C9: variants seen among roughly 807,000 people sequenced by gnomAD.
The protein encoded by C9 is complement C9.
C9 carries 63 observed loss-of-function variants against 65.4 expected under a neutral mutation model. The ratio of observed to expected loss-of-function variants is 0.96; its 90% CI spans 0.79 to 1.19. The LOEUF (loss-of-function observed/expected upper bound fraction) is 1.19. Among genes scored for constraint, C9 ranks in the 50% most tolerant of loss-of-function variants. The pLI is 0.00. For missense variants in C9, 744 were observed against 670.1 expected, an observed-to-expected ratio of 1.11 and a Z score of -1.22; for synonymous variants, 229 against 227.9, an observed-to-expected ratio of 1.00 and a Z score of -0.04.
At chr5:39,313,984 T>C (rs1017847865) in intron 6 of C9, among the ~76,000 whole-genome samples, 3 of 152,186 alleles carry the variant, frequency 2.0e-5, no homozygotes, top group African/African-American at 7.2e-5. Context: ...CTTGGACTTA[T>C]GTTTGACTCT....
intron 4 of C9, 112 bp from the exon 5 acceptor site, chr5:39,331,926 T>C: frequency 2.2e-6 from 2 of 892,376 alleles, no homozygotes; most frequent in South Asian, 2.6e-5. Flanking sequence ...CGTCACCCAA[T>C]ATGTGTGTGC....
intron 1 of C9, among the ~76,000 whole-genome samples, chr5:39,355,298 C>T (rs959561868): frequency 6.6e-6 from 1 of 152,168 alleles, no homozygotes; most frequent in Non-Finnish European, 1.5e-5. Context: ...CCAACCAGGG[C>T]TATTCATCTT....
At chr5:39,285,271 A>G (rs369297852) in intron 10 of C9, 38 bp from the exon 11 acceptor site, 7 of 1,558,924 alleles carry the variant, frequency 4.5e-6, no homozygotes, top group Non-Finnish European at 6.2e-6. Context: ...TTAATCATCA[A>G]TAGGATTTTA....
intron 4 of C9, among the ~76,000 whole-genome samples, chr5:39,333,299 A>T (rs1753878745): frequency 2.0e-5 from 3 of 152,154 alleles, no homozygotes; most frequent in Non-Finnish European, 4.4e-5. Context: ...TGGCCATGTG[A>T]CTTACTTTAA....
intron 10 of C9, among the ~76,000 whole-genome samples, chr5:39,286,170 T>G (rs1445109859): frequency 6.6e-6 from 1 of 152,022 alleles, no homozygotes; most frequent in Non-Finnish European, 1.5e-5. Flanking sequence ...TACATAAAAA[T>G]CTAGTGCAAG....
At chr5:39,343,776 G>A (rs1754136187) in intron 1 of C9, among the ~76,000 whole-genome samples, 1 of 152,196 alleles carries the variant, frequency 6.6e-6, no homozygotes, top group Admixed American at 6.5e-5. Context: ...GCACCCCCCA[G>A]TAGGGGCAGA....
intron 9 of C9, 32 bp downstream of exon 9, chr5:39,306,585 G>A: frequency 6.5e-7 from 1 of 1,542,044 alleles, no homozygotes; most frequent in Non-Finnish European, 9.0e-7. Context: ...AAATGACACA[G>A]TCTTCTGTTT....
chr5:39,332,432 C>T (rs766414742), intron 4 of C9, among the ~76,000 whole-genome samples: 1 of 152,124 alleles, frequency 6.6e-6, no homozygotes, highest in Non-Finnish European at 1.5e-5. Context: ...TCTATTTTTT[C>T]CCATAGCAAA....
intron 1 of C9, among the ~76,000 whole-genome samples, chr5:39,358,300 G>A (rs926156164): frequency 6.6e-5 from 10 of 152,222 alleles, no homozygotes; most frequent in African/African-American, 2.4e-4. Flanking sequence ...AGCTCTGTGA[G>A]GGTCTGGATA....
intron 4 of C9, 22 bp from the exon 5 acceptor site, chr5:39,331,836 T>C: frequency 6.2e-7 from 1 of 1,611,186 alleles, no homozygotes; most frequent in Non-Finnish European, 8.5e-7. Flanking sequence ...CAGAGTAGTA[T>C]CAGAAGTGGA....
rs1579869162 is a variant in C9 at position 39,339,227 on chromosome 5, C to A, written c.476+1919G>T. On this transcript the variant is annotated intron_variant, in intron 4 of 10. Transcript: ENST00000263408. ...CCTGCAGAACTTAGGGGCCTAAGAC[C>A]ATCCATTTGATTTGAGATTCCCACC... Among the ~76,000 whole-genome samples the A allele has an allele frequency of 2.0e-5, 3 of 152,274 alleles. No individual in the cohort carries two copies. In the South Asian group the frequency reaches 6.2e-4, roughly 32 times the overall value.
rs1165597947 is a variant in C9, at chr5:39,310,343, G to A, written c.1111+794C>T. On this transcript the variant is annotated intron_variant, in intron 7 of 10. Transcript: ENST00000263408. Reference sequence around the variant, plus strand: ...TACAAGGGCAGAGAGGAAGCATCCTGGCATCCATCACCTCCTTAAGGAATA... The same window carrying A: ...TACAAGGGCAGAGAGGAAGCATCCTAGCATCCATCACCTCCTTAAGGAATA... Among the ~76,000 whole-genome samples, 4 of 152,052 alleles carry A rather than the reference G, an allele frequency of 2.6e-5. No individual in the cohort carries two copies. The South Asian group carries it at 6.2e-4, about 24-fold the overall frequency.
chr5:39,315,615 CTT>C (rs1307698595), intron 6 of C9, among the ~76,000 whole-genome samples, 158 bp downstream of exon 6: 1 of 152,152 alleles, frequency 6.6e-6, no homozygotes, highest in Non-Finnish European at 1.5e-5. Flanking sequence ...TTCTATCAGA[CTT>C]TTCTCCAGTT....
chr5:39,334,286 C>A (rs1400457944), intron 4 of C9, among the ~76,000 whole-genome samples: 1 of 146,080 alleles, frequency 6.8e-6, no homozygotes, highest in African/African-American at 2.6e-5. Context: ...ATGTGAGAAG[C>A]GCCTCTGCCC....
At chr5:39,346,198 C>A (rs541892037) in intron 1 of C9, among the ~76,000 whole-genome samples, 2 of 152,004 alleles carry the variant, frequency 1.3e-5, no homozygotes, top group African/African-American at 4.8e-5. Flanking sequence ...CATAGAGACA[C>A]AAAAAACCCT....
At chr5:39,340,070 AC>A (rs1754047066) in intron 4 of C9, among the ~76,000 whole-genome samples, 1 of 152,078 alleles carries the variant, frequency 6.6e-6, no homozygotes, top group Non-Finnish European at 1.5e-5. Flanking sequence ...TCATCTCCAT[AC>A]CCGGGACTGG....
rs1368376260 is a variant in C9 at position 39,334,055 on chromosome 5, G to A, written c.477-2241C>T. Among the ~76,000 whole-genome samples, 33 of 151,448 alleles carry A rather than the reference G, an allele frequency of 2.2e-4. 1 individual carries two copies. The highest frequency in any genetic ancestry group is 8.3e-4 in the South Asian group (4 of 4,794). On this transcript the variant is annotated intron_variant, in intron 4 of 10. Transcript: ENST00000263408. ...CCACCCCGTCTGGGAAGTGAGGAGC[G>A]TCTCTGCCTGGCCGCCCATCGTCTG...
At chr5:39,360,599 A>G (rs1754497828) in intron 1 of C9, among the ~76,000 whole-genome samples, 1 of 152,228 alleles carries the variant, frequency 6.6e-6, no homozygotes, top group Admixed American at 6.5e-5. Context: ...GAAATATGTA[A>G]GAGAAAGACA....
At chr5:39,333,992 C>T (rs950119115) in intron 4 of C9, among the ~76,000 whole-genome samples, 59 of 152,220 alleles carry the variant, frequency 3.9e-4, no homozygotes, top group African/African-American at 1.4e-3. Context: ...CCTGCCTTGG[C>T]CCCCCAAAGT....
Sources: allele counts gnomAD v4.1 joint callset (sites outside exome capture counted in the v4.1 genomes callset), GRCh38; gene constraint gnomAD v4.1.1; transcripts MANE v1.5; gene names NCBI Gene and HGNC (gene_info 2026-07-23, HGNC 2026-07-21).